GPR39: variants seen among roughly 807,000 people sequenced by gnomAD.
GPR39 encodes the protein G protein-coupled receptor 39, also known as zinc sensing receptor.
GPR39 carries 23 observed loss-of-function variants against 18.4 expected under a neutral mutation model. The observed-to-expected ratio is 1.25, with a 90% CI of 0.90 to 1.77. The LOEUF (loss-of-function observed/expected upper bound fraction) is 1.77, where lower values mean the gene tolerates loss of function less well. GPR39 is among the 40% of genes most tolerant of loss of function. The probability of loss-of-function intolerance (pLI) is 0.00; values close to 1 mark genes in which losing one functional copy is unlikely to be tolerated. For missense variants in GPR39, 647 were observed against 602.4 expected (o/e 1.07, Z -0.78); for synonymous variants, 280 against 257.9 (o/e 1.09, Z -0.82).
chr2:132,473,897 A>C (rs1681078284), intron 1 of GPR39, among the ~76,000 whole-genome samples: 1 of 152,176 alleles, frequency 6.6e-6, no homozygotes, highest in Non-Finnish European at 1.5e-5. Flanking sequence ...TTTAGCCTTT[A>C]TTACCATAAC....
At chr2:132,582,225 C>T (rs774520145) in intron 1 of GPR39, among the ~76,000 whole-genome samples, 5 of 152,118 alleles carry the variant, frequency 3.3e-5, no homozygotes, top group Non-Finnish European at 4.4e-5. Flanking sequence ...CATATGCTTG[C>T]GGGGAAGACA....
chr2:132,460,142 A>G (rs987254682), intron 1 of GPR39, among the ~76,000 whole-genome samples: 1 of 152,218 alleles, frequency 6.6e-6, no homozygotes, highest in Non-Finnish European at 1.5e-5. Context: ...CTTCCTAGCA[A>G]TATGTCTCCT....
intron 1 of GPR39, among the ~76,000 whole-genome samples, chr2:132,639,849 A>G (rs1681827509): frequency 6.6e-6 from 1 of 152,204 alleles, no homozygotes; most frequent in African/African-American, 2.4e-5. Context: ...TTGTATAGAC[A>G]TGCCACTTGC....
intron 1 of GPR39, among the ~76,000 whole-genome samples, chr2:132,535,414 C>T (rs901865179): frequency 2.6e-5 from 4 of 151,658 alleles, no homozygotes; most frequent in Admixed American, 2.6e-4. Context: ...AGGGATGAAG[C>T]TGACTTCATG....
At chr2:132,619,798 T>TC (rs1681402054) in intron 1 of GPR39, among the ~76,000 whole-genome samples, 2 of 149,992 alleles carry the variant, frequency 1.3e-5, no homozygotes, top group South Asian at 4.3e-4. Context: ...ATCCAAAGGC[T>TC]CCTCCCCAAC....
At chr2:132,471,897 C>G (rs930265075) in intron 1 of GPR39, among the ~76,000 whole-genome samples, 1 of 152,152 alleles carries the variant, frequency 6.6e-6, no homozygotes, top group African/African-American at 2.4e-5. Context: ...GCTCTGCAAG[C>G]CAGGCAGAAT....
At chr2:132,469,402 G>A (rs1436403375) in intron 1 of GPR39, among the ~76,000 whole-genome samples, 1 of 152,176 alleles carries the variant, frequency 6.6e-6, no homozygotes, top group African/African-American at 2.4e-5. Flanking sequence ...GTTATCCTTG[G>A]GAGTGTGGGT....
chr2:132,552,931 C>T (rs2104796619), intron 1 of GPR39, among the ~76,000 whole-genome samples: 1 of 141,480 alleles, frequency 7.1e-6, no homozygotes, highest in Non-Finnish European at 1.5e-5. Flanking sequence ...CACACACACA[C>T]ACATATATAT....
chr2:132,480,136 G>A (rs1174060007), intron 1 of GPR39, among the ~76,000 whole-genome samples: 1 of 152,204 alleles, frequency 6.6e-6, no homozygotes, highest in Non-Finnish European at 1.5e-5. Flanking sequence ...AAGGCATTAT[G>A]CTAAGTGAAA....
chr2:132,636,335 C>G (rs1036857788), intron 1 of GPR39, among the ~76,000 whole-genome samples: 1 of 152,210 alleles, frequency 6.6e-6, no homozygotes, highest in African/African-American at 2.4e-5. Flanking sequence ...CAGGCCCTGG[C>G]TAGCCACTCC....
rs373701266 is a variant in GPR39 at position 132,584,735 on chromosome 2, C to T, written c.857-60366C>T. Among the ~76,000 whole-genome samples the T allele has an allele frequency of 2.0e-5, 3 of 152,140 alleles. No homozygotes were observed. The East Asian group carries it at 5.8e-4, about 29-fold the overall frequency. On this transcript the variant is annotated intron_variant, in intron 1 of 1. Coordinates refer to ENST00000329321, the MANE Select transcript of GPR39 (RefSeq NM_001508.3). The stretch of plus-strand genomic sequence containing the variant: ...CACCGTTTCGAAAAGCAGGCAGGAT[C>T]GGATGCAAATGAGGCTTTCAGAGGC...
At chr2:132,469,927 G>A (rs1478202832) in intron 1 of GPR39, among the ~76,000 whole-genome samples, 6 of 152,226 alleles carry the variant, frequency 3.9e-5, no homozygotes, top group Non-Finnish European at 8.8e-5. Context: ...TTACGGCAAA[G>A]TTGCCCACTC....
At chr2:132,448,620 G>T (rs1032551788) in intron 1 of GPR39, among the ~76,000 whole-genome samples, 1 of 152,138 alleles carries the variant, frequency 6.6e-6, no homozygotes, top group Non-Finnish European at 1.5e-5. Flanking sequence ...TTGTTTCTGT[G>T]TCACATCTTT....
intron 1 of GPR39, among the ~76,000 whole-genome samples, chr2:132,602,841 A>G (rs1324828255): frequency 6.8e-6 from 1 of 146,872 alleles, no homozygotes; most frequent in Non-Finnish European, 1.5e-5. Context: ...GAGATCAGAG[A>G]CCTTTTTAGC....
intron 1 of GPR39, among the ~76,000 whole-genome samples, chr2:132,543,562 C>A (rs1294904524): frequency 6.6e-6 from 1 of 152,102 alleles, no homozygotes; most frequent in Non-Finnish European, 1.5e-5. Context: ...CCACTTTAAC[C>A]CTTAGGTCAC....
At chr2:132,556,043 A>G (rs1349867787) in intron 1 of GPR39, among the ~76,000 whole-genome samples, 2 of 152,040 alleles carry the variant, frequency 1.3e-5, no homozygotes, top group Non-Finnish European at 1.5e-5. Context: ...CTCACAGGAT[A>G]ATGATGCTGC....
chr2:132,463,938 C>T (rs1265109458), intron 1 of GPR39, among the ~76,000 whole-genome samples: 1 of 152,116 alleles, frequency 6.6e-6, no homozygotes, highest in African/African-American at 2.4e-5. Flanking sequence ...TCTAGGAGGC[C>T]AGACCAACTT....
intron 1 of GPR39, among the ~76,000 whole-genome samples, chr2:132,597,906 T>C (rs557106089): frequency 6.6e-6 from 1 of 152,346 alleles, no homozygotes; most frequent in African/African-American, 2.4e-5. Flanking sequence ...CCTGATCCCA[T>C]ACCCAAAGTC....
chr2:132,582,718 C>T (rs1683704875), intron 1 of GPR39, among the ~76,000 whole-genome samples: 1 of 152,142 alleles, frequency 6.6e-6, no homozygotes, highest in African/African-American at 2.4e-5. Flanking sequence ...CAGTGCCTGC[C>T]TGCCTCTGCC....
Sources: allele counts gnomAD v4.1 joint callset (sites outside exome capture counted in the v4.1 genomes callset), GRCh38; gene constraint gnomAD v4.1.1; transcripts MANE v1.5; gene names NCBI Gene and HGNC (gene_info 2026-07-23, HGNC 2026-07-21).